Variants in CHEK1 observed in about 807,000 individuals in gnomAD.
The protein encoded by CHEK1 is serine/threonine-protein kinase Chk1.
A neutral mutation model predicts 60.2 loss-of-function variants in CHEK1; 32 were observed. That is an observed-to-expected ratio of 0.53 (90% CI 0.40 to 0.71). The LOEUF (loss-of-function observed/expected upper bound fraction) is 0.71, where lower values mean the gene tolerates loss of function less well. Among genes scored for constraint, CHEK1 ranks in the 30% least tolerant of loss-of-function variants. CHEK1 has a pLI of 0.00. For synonymous variants in CHEK1, 179 were observed against 187.2 expected (o/e 0.96, Z 0.36); for missense variants, 399 against 564.6 (o/e 0.71, Z 2.97).
chr11:125,627,844 T>G lies in CHEK1; in HGVS notation c.289+14T>G, dbSNP rs764910570. The G allele has an allele frequency of 1.1e-5, 16 of 1,496,480 alleles. No individual in the cohort carries two copies. The highest frequency in any genetic ancestry group is 1.3e-5 in the Non-Finnish European group (15 of 1,112,436). 92.7% of individuals were successfully genotyped at this position (1,496,480 alleles called of 1,614,324 possible). On this transcript the variant is annotated intron_variant, in intron 3 of 12. Transcript: ENST00000438015. ...TTGACAGAATAGGTATGGAAGAAAT[T>G]TAAGATAATTATTTTAAACAAGTTT...
chr11:125,670,914 A>G (rs1367264862), intron 13 of CHEK1, among the ~76,000 whole-genome samples: 1 of 152,136 alleles, frequency 6.6e-6, no homozygotes, highest in Non-Finnish European at 1.5e-5. Flanking sequence ...TTATTCCACT[A>G]TAAATGGAAG....
intron 13 of CHEK1, among the ~76,000 whole-genome samples, chr11:125,670,693 C>T (rs74481754): frequency 0.047 from 7,160 of 152,192 alleles, 213 homozygotes; most frequent in Middle Eastern, 0.088. Flanking sequence ...CTGCTAGTCC[C>T]AACCTATGTT....
intron 8 of CHEK1, among the ~76,000 whole-genome samples, chr11:125,641,457 A>G (rs1941302210): frequency 6.6e-6 from 1 of 152,098 alleles, no homozygotes; most frequent in Admixed American, 6.5e-5. Context: ...TCTAAATAAA[A>G]CTATATGTTG....
Position 125,625,570 on chromosome 11 carries a change from G to C in CHEK1, c.-463G>C. On this transcript the variant is annotated 5_prime_UTR_variant, in exon 1 of 13. Transcript: ENST00000438015. ...CCTGTCCGGTGGCCTCACGCAGGTG[G>C]CGGTGCAGCCTTTCAGGCCCAGAGC... 1 of 589,284 alleles carries C rather than the reference G, an allele frequency of 1.7e-6. No homozygotes were observed. Among genetic ancestry groups the C allele is most frequent in the Non-Finnish European group, 3.0e-6 (1 of 330,050 alleles). 36.5% of individuals were successfully genotyped at this position (589,284 alleles called of 1,614,324 possible).
At chr11:125,651,732 G>T (rs1941742977) in intron 11 of CHEK1, among the ~76,000 whole-genome samples, 1 of 152,162 alleles carries the variant, frequency 6.6e-6, no homozygotes. Context: ...AGGAGCAGGG[G>T]ATAAACAGGG....
downstream of CHEK1, among the ~76,000 whole-genome samples, chr11:125,661,974 T>C (rs1237305203): frequency 6.6e-6 from 1 of 152,182 alleles, no homozygotes; most frequent in Non-Finnish European, 1.5e-5. Flanking sequence ...TTGGCATTGA[T>C]AAGGTCAAGA....
rs773937190 is a variant in CHEK1 at position 125,644,514 on chromosome 11, C to T, written c.1104C>T (p.Asn368=). ...TTTGTCTTCTGTTTGACATGTAGAA[C>T]CCCTGGCAGCGGTTGGTCAAAAGAA... ...QLLGTPGSSQ[N]PWQRLVKRMT... is the part of the protein sequence containing the mutation. Residue 368 remains asparagine (N), a splice_region_variant and synonymous_variant, in exon 11 of 13, where the codon AAC becomes AAT. Coordinates refer to ENST00000438015, the MANE Select transcript of CHEK1 (RefSeq NM_001114122.3). The T allele has an allele frequency of 6.2e-7, 1 of 1,613,578 alleles. No individual in the cohort carries two copies. The highest frequency in any genetic ancestry group is 2.2e-5 in the East Asian group (1 of 44,848).
Position 125,629,219 on chromosome 11 carries a change from A to T in CHEK1, c.290-13A>T. On this transcript the variant is annotated splice_polypyrimidine_tract_variant and intron_variant, in intron 3 of 12. Coordinates refer to ENST00000438015, the MANE Select transcript of CHEK1 (RefSeq NM_001114122.3). The stretch of plus-strand genomic sequence containing the variant: ...ATATTTAGTCAATAAACTTACTTTC[A>T]TATTTGTTTTAGAGCCAGACATAGG... The T allele has an allele frequency of 6.2e-7, 1 of 1,613,536 alleles. No homozygotes were observed. The highest frequency in any genetic ancestry group is 1.1e-5 in the South Asian group (1 of 91,062).
chr11:125,651,962 T>TG (rs1941753379), intron 11 of CHEK1, among the ~76,000 whole-genome samples: 1 of 152,216 alleles, frequency 6.6e-6, no homozygotes, highest in African/African-American at 2.4e-5. Context: ...TCTCAGTTCT[T>TG]GAAGTATTTT....
chr11:125,641,338 T>C (rs538341538), intron 8 of CHEK1, among the ~76,000 whole-genome samples: 42 of 152,352 alleles, frequency 2.8e-4, no homozygotes, highest in Non-Finnish European at 2.1e-4. Context: ...TGGTTTTTTT[T>C]CATCTGCTCA....
Position 125,655,113 on chromosome 11 carries a change from C to T in CHEK1, c.1336-112C>T, listed in dbSNP as rs145335943. ...GACCGAAAAGAAAATGGTAGCTAGA[C>T]ATACCTAAAGATGTTTGTCTCTTGT... On this transcript the variant is annotated intron_variant, in intron 12 of 12. Transcript: ENST00000438015. The T allele has an allele frequency of 1.1e-3, 821 of 715,400 alleles. 5 individuals are homozygous for T. In the African/African-American group the frequency reaches 0.013, roughly 12 times the overall value. 44.3% of individuals were successfully genotyped at this position (715,400 alleles called of 1,614,324 possible). A position where few individuals can be genotyped will look rare whatever the true frequency, so the allele number is the denominator to read the frequency against.
intron 6 of CHEK1, among the ~76,000 whole-genome samples, chr11:125,634,525 A>C (rs1940990048): frequency 6.6e-6 from 1 of 151,654 alleles, no homozygotes; most frequent in Non-Finnish European, 1.5e-5. Context: ...CGGTCTCTCC[A>C]TGTTACGTAG....
intron 3 of CHEK1, 115 bp downstream of exon 3, chr11:125,627,945 T>A: frequency 1.3e-6 from 1 of 756,678 alleles, no homozygotes; most frequent in Non-Finnish European, 2.0e-6. Context: ...ACTGTGAAAT[T>A]GGAATACATT....
intron 9 of CHEK1, 82 bp from the exon 10 acceptor site, chr11:125,644,009 T>C (rs988006845): frequency 6.5e-7 from 1 of 1,536,946 alleles, no homozygotes. Context: ...ACTGTAAGCA[T>C]GAGAACTTGT....
chr11:125,666,562 G>A (rs1455693631), intron 13 of CHEK1, among the ~76,000 whole-genome samples: 1 of 152,058 alleles, frequency 6.6e-6, no homozygotes, highest in African/African-American at 2.4e-5. Context: ...TTGATGATCT[G>A]GATGATCCGT....
downstream of CHEK1, among the ~76,000 whole-genome samples, chr11:125,679,216 C>T (rs28403461): frequency 2.1e-4 from 25 of 121,034 alleles, no homozygotes; most frequent in African/African-American, 5.4e-4. Flanking sequence ...CCGTCTCTTT[C>T]TTTTTTTTTT....
At chr11:125,679,228 T>TTTTTTTTTTTTTTTTTTTTTTTTTTTTTG (rs1454887323), downstream of CHEK1, among the ~76,000 whole-genome samples, 1 of 145,560 alleles carries the variant, frequency 6.9e-6, no homozygotes, top group African/African-American at 2.6e-5. Context: ...TTTTTTTTTT[T>TTTTTTTTTTTTTTTTTTTTTTTTTTTTTG]TGTTTCAAAG....
rs974904932 is a variant in CHEK1, at chr11:125,625,859, G to A, written c.-174G>A. The A allele has an allele frequency of 2.6e-5, 18 of 702,512 alleles. No individual in the cohort carries two copies. Among genetic ancestry groups the A allele is most frequent in the Non-Finnish European group, 3.9e-5 (15 of 385,020 alleles). 43.5% of individuals were successfully genotyped at this position (702,512 alleles called of 1,614,324 possible). On this transcript the variant is annotated 5_prime_UTR_variant, in exon 1 of 13. An upstream open reading frame in the 5' UTR gains an earlier in-frame stop. Coordinates refer to ENST00000438015, the MANE Select transcript of CHEK1 (RefSeq NM_001114122.3). The stretch of plus-strand genomic sequence containing the variant: ...GCAACATCTCCACGTCACCCTTTTG[G>A]AGCCGCCGACATTCAGAGGGGCAGG...
intron 8 of CHEK1, among the ~76,000 whole-genome samples, chr11:125,640,007 G>A (rs1941221989): frequency 6.6e-6 from 1 of 151,978 alleles, no homozygotes; most frequent in African/African-American, 2.4e-5. Flanking sequence ...AATCATAATG[G>A]TAATAAAATT....
Sources: allele counts gnomAD v4.1 joint callset (sites outside exome capture counted in the v4.1 genomes callset), GRCh38; gene constraint gnomAD v4.1.1; transcripts MANE v1.5; gene names NCBI Gene and HGNC (gene_info 2026-07-23, HGNC 2026-07-21).